The following SLBP variants were observed in gnomAD, a reference collection of about 807,000 sequenced individuals.
The protein encoded by SLBP is histone RNA hairpin-binding protein.
A neutral mutation model predicts 39.2 loss-of-function variants in SLBP; 29 were observed. That is an observed-to-expected ratio of 0.74 (90% CI 0.55 to 1.01). The LOEUF (loss-of-function observed/expected upper bound fraction) is 1.01. Ranked by LOEUF, SLBP falls within the 50% of genes least tolerant of loss-of-function variation. The pLI, the probability that SLBP is intolerant of heterozygous loss-of-function variation, is 0.00. For missense variants in SLBP, 390 were observed against 350.2 expected, an observed-to-expected ratio of 1.11 and a Z score of -0.91; for synonymous variants, 129 against 118.7, an observed-to-expected ratio of 1.09 and a Z score of -0.57.
intron 3 of SLBP, among the ~76,000 whole-genome samples, chr4:1,703,305 G>T (rs930629141): frequency 6.6e-6 from 1 of 151,442 alleles, no homozygotes; most frequent in East Asian, 1.9e-4. Context: ...TAACACCATT[G>T]TGCACCTACT....
intron 2 of SLBP, among the ~76,000 whole-genome samples, chr4:1,707,624 A>T (rs1203598057): frequency 6.6e-6 from 1 of 151,938 alleles, no homozygotes; most frequent in African/African-American, 2.4e-5. Flanking sequence ...TTTCTACCCC[A>T]TTTTTCTGTT....
chr4:1,711,497 C>T (rs2187605), intron 2 of SLBP, among the ~76,000 whole-genome samples: 99,455 of 151,952 alleles, frequency 0.65, 33,839 homozygotes, highest in East Asian at 0.84. Context: ...CTGCCTAACC[C>T]AGAAAATGGC....
At chr4:1,711,481 T>C (rs536124706) in intron 2 of SLBP, among the ~76,000 whole-genome samples, 25 of 152,114 alleles carry the variant, frequency 1.6e-4, no homozygotes, top group Non-Finnish European at 3.7e-4. Flanking sequence ...CCACCCTCCC[T>C]GCACACTGCC....
At chr4:1,709,220 T>C (rs1229960590) in intron 2 of SLBP, among the ~76,000 whole-genome samples, 1 of 151,844 alleles carries the variant, frequency 6.6e-6, no homozygotes, top group East Asian at 1.9e-4. Flanking sequence ...TGCGCCACCA[T>C]GCCCGACTAA....
intron 3 of SLBP, among the ~76,000 whole-genome samples, chr4:1,700,557 T>C (rs1358326701): frequency 7.5e-6 from 1 of 134,164 alleles, no homozygotes; most frequent in Non-Finnish European, 1.7e-5. Context: ...TCCAAGTTCA[T>C]GTGAGTATCT....
At chr4:1,699,019 A>G (rs752759289) in intron 5 of SLBP, among the ~76,000 whole-genome samples, 1 of 150,928 alleles carries the variant, frequency 6.6e-6, no homozygotes, top group Non-Finnish European at 1.5e-5. Flanking sequence ...CCTGGCCTCA[A>G]GCAGTCCTCT....
chr4:1,697,063 C>A (rs758999700), intron 5 of SLBP, among the ~76,000 whole-genome samples: 22 of 145,618 alleles, frequency 1.5e-4, no homozygotes, highest in Non-Finnish European at 3.3e-4. Context: ...GCGGCTGAGG[C>A]AGAAGAATTG....
At position 1,699,737 on chromosome 4, in the gene SLBP, A is replaced by G; in HGVS notation, c.342-36T>C. Reference sequence around the variant, plus strand: ...AACAGATTAACAGAATAAGCCCTGCAATTAAGATCACCATGTATGTAAGGT... The same window carrying G: ...AACAGATTAACAGAATAAGCCCTGCGATTAAGATCACCATGTATGTAAGGT... On this transcript the variant is annotated intron_variant, in intron 4 of 7. Transcript: ENST00000489418. 3 of 1,599,816 alleles carry G rather than the reference A, an allele frequency of 1.9e-6. No homozygotes were observed. In the South Asian group the frequency reaches 3.3e-5, roughly 18 times the overall value.
chr4:1,710,838 T>C (rs1200549801), intron 2 of SLBP, among the ~76,000 whole-genome samples: 1 of 150,140 alleles, frequency 6.7e-6, no homozygotes, highest in African/African-American at 2.5e-5. Context: ...TCACTTGAGG[T>C]CAGGAGTTCG....
Position 1,693,502 on chromosome 4 carries a change from C to T in SLBP, c.*95G>A, listed in dbSNP as rs1251952953. On this transcript the variant is annotated 3_prime_UTR_variant, in exon 8 of 8. Transcript: ENST00000489418. Reference sequence around the variant, plus strand: ...AGCTAATGGACTGCTAACAGAGAAACCACCAGGTACAAGTGCACACACATG... The same window carrying T: ...AGCTAATGGACTGCTAACAGAGAAATCACCAGGTACAAGTGCACACACATG... 2 of 740,596 alleles carry T rather than the reference C, an allele frequency of 2.7e-6. No individual in the cohort carries two copies. The highest frequency in any genetic ancestry group is 3.5e-5 in the African/African-American group (2 of 57,654). The allele number at this position is 740,596 out of a possible 1,614,324, so 45.9% of individuals were successfully genotyped here.
intron 3 of SLBP, among the ~76,000 whole-genome samples, chr4:1,702,190 A>G (rs1343905077): frequency 6.6e-6 from 1 of 152,224 alleles, no homozygotes; most frequent in Non-Finnish European, 1.5e-5. Flanking sequence ...CACAAACTAT[A>G]CAAGTCAAGT....
chr4:1,695,747 C>G (rs538933359), intron 6 of SLBP, among the ~76,000 whole-genome samples: 1 of 151,738 alleles, frequency 6.6e-6, no homozygotes, highest in Non-Finnish European at 1.5e-5. Flanking sequence ...CGCCACTGCA[C>G]TCCAGCCTCG....
intron 2 of SLBP, among the ~76,000 whole-genome samples, chr4:1,708,114 G>A (rs1028911718): frequency 8.6e-5 from 13 of 150,832 alleles, no homozygotes; most frequent in East Asian, 1.9e-4. Context: ...TCAGGCGGGC[G>A]TGGTGGCGCA....
chr4:1,709,175 T>C (rs1367300793), intron 2 of SLBP, among the ~76,000 whole-genome samples: 5 of 152,108 alleles, frequency 3.3e-5, no homozygotes, highest in African/African-American at 1.2e-4. Flanking sequence ...GGGATTCTCC[T>C]GCCTCAACCT....
chr4:1,696,600 C>CA (rs1577177464), intron 5 of SLBP, among the ~76,000 whole-genome samples: 1 of 151,658 alleles, frequency 6.6e-6, no homozygotes, highest in Non-Finnish European at 1.5e-5. Context: ...CAAAACAGAA[C>CA]AAAAAAACAG....
chr4:1,701,443 T>C (rs1485778978), intron 3 of SLBP, among the ~76,000 whole-genome samples: 4 of 151,998 alleles, frequency 2.6e-5, no homozygotes, highest in African/African-American at 9.6e-5. Flanking sequence ...CACCATGCCA[T>C]GCAGAAAATC....
intron 7 of SLBP, 47 bp from the exon 8 acceptor site, chr4:1,693,760 A>C (rs1577175075): frequency 7.8e-7 from 1 of 1,283,424 alleles, no homozygotes; most frequent in East Asian, 2.3e-5. Context: ...TCACCCTGAA[A>C]ACAGGGGCCC....
In SLBP at chr4:1,699,560, C is replaced by T. The variant is rs1315367823; in HGVS notation, c.479+4G>A. The T allele has an allele frequency of 6.2e-7, 1 of 1,613,822 alleles. No homozygotes were observed. The highest frequency in any genetic ancestry group is 1.3e-5 in the African/African-American group (1 of 74,936). On this transcript the variant is annotated splice_donor_region_variant and intron_variant, in intron 5 of 7. Transcript: ENST00000489418. Reference sequence around the variant, plus strand: ...TTCAAGACATGCCACTGAAACAAGACTACCTTGGGACTTCTTTAATATAAC... The same window carrying T: ...TTCAAGACATGCCACTGAAACAAGATTACCTTGGGACTTCTTTAATATAAC...
intron 7 of SLBP, 37 bp from the exon 8 acceptor site, chr4:1,693,750 T>A: frequency 7.1e-7 from 1 of 1,404,762 alleles, no homozygotes; most frequent in Non-Finnish European, 1.0e-6. Context: ...GACATTCATC[T>A]CACCCTGAAA....
Sources: gnomAD v4.1 joint callset for allele counts (sites outside exome capture counted in the v4.1 genomes callset) on GRCh38, gnomAD v4.1.1 for gene constraint, MANE v1.5 for transcripts, NCBI Gene and HGNC (gene_info 2026-07-23, HGNC 2026-07-21) for gene names.